Variants in GPC6 observed in about 807,000 individuals in gnomAD.
The protein encoded by GPC6 is glypican 6, also known as glypican-6.
GPC6 carries 14 observed loss-of-function variants against 55.2 expected under a neutral mutation model. That is an observed-to-expected ratio of 0.25 (90% CI 0.17 to 0.40). The LOEUF (loss-of-function observed/expected upper bound fraction) is 0.40. Ranked by LOEUF, GPC6 falls within the 10% of genes least tolerant of loss-of-function variation. The pLI is 1.00. For missense variants in GPC6, 641 were observed against 708.5 expected, an observed-to-expected ratio of 0.90 and a Z score of 1.08; for synonymous variants, 278 against 259.6, an observed-to-expected ratio of 1.07 and a Z score of -0.68.
chr13:94,114,481 T>C (rs1327296631), intron 4 of GPC6, among the ~76,000 whole-genome samples: 6 of 151,990 alleles, frequency 3.9e-5, no homozygotes. Context: ...CATTAGAAAG[T>C]GGGAAAGGCA....
chr13:93,761,796 G>A (rs1307062263), intron 2 of GPC6, among the ~76,000 whole-genome samples: 9 of 152,130 alleles, frequency 5.9e-5, no homozygotes, highest in Admixed American at 5.9e-4. Context: ...TTCAATATAT[G>A]TATGTACTGT....
chr13:93,268,229 G>T lies in GPC6; in HGVS notation c.160+40613G>T, dbSNP rs559106463. Among the ~76,000 whole-genome samples the T allele has an allele frequency of 3.9e-5, 6 of 152,262 alleles. No individual in the cohort carries two copies. In the South Asian group the frequency reaches 1.2e-3, roughly 32 times the overall value. On this transcript the variant is annotated intron_variant, in intron 1 of 8. Coordinates refer to ENST00000377047, the MANE Select transcript of GPC6 (RefSeq NM_005708.5). ...ACATACACTGAGACACTCTTAGGCA[G>T]TTGGTATGTAGTGCTTGGAAGGGAG...
intron 2 of GPC6, among the ~76,000 whole-genome samples, chr13:93,820,580 T>A (rs1346506552): frequency 6.6e-6 from 1 of 151,938 alleles, no homozygotes; most frequent in African/African-American, 2.4e-5. Flanking sequence ...TAGTTTAAAT[T>A]TCTATTTTTA....
chr13:93,788,204 G>T (rs2138917396), intron 2 of GPC6, among the ~76,000 whole-genome samples: 1 of 152,242 alleles, frequency 6.6e-6, no homozygotes, highest in Non-Finnish European at 1.5e-5. Context: ...GGTGAAGGCT[G>T]CTCTCTGCTT....
At position 93,335,576 on chromosome 13, in the gene GPC6, A is replaced by G. The variant is rs368233606; in HGVS notation, c.160+107960A>G. Among the ~76,000 whole-genome samples the G allele has an allele frequency of 1.1e-4, 16 of 152,280 alleles. 1 individual carries two copies. Among genetic ancestry groups the G allele is most frequent in the Admixed American group, 4.6e-4 (7 of 15,298 alleles). On this transcript the variant is annotated intron_variant, in intron 1 of 8. Transcript: ENST00000377047. ...CTACCTCTCAGGAGTGATAATGGTA[A>G]AGATTGGGGGACTGTAGGCCAAATA...
chr13:94,032,372 C>A (rs1299664382), intron 4 of GPC6, among the ~76,000 whole-genome samples: 1 of 152,114 alleles, frequency 6.6e-6, no homozygotes, highest in Non-Finnish European at 1.5e-5. Context: ...GTCAGAGAAG[C>A]CCTACTTTGT....
intron 1 of GPC6, among the ~76,000 whole-genome samples, chr13:93,275,310 G>A (rs1314817077): frequency 6.6e-6 from 1 of 152,180 alleles, no homozygotes; most frequent in African/African-American, 2.4e-5. Context: ...ACGTGCACAT[G>A]TGCAACATGT....
At chr13:94,052,728 G>A (rs1883995590) in intron 4 of GPC6, among the ~76,000 whole-genome samples, 1 of 151,942 alleles carries the variant, frequency 6.6e-6, no homozygotes, top group African/African-American at 2.4e-5. Flanking sequence ...TTAATTTTAA[G>A]CTTCTTGGGG....
At chr13:94,345,018 G>C (rs1266000095) in intron 6 of GPC6, among the ~76,000 whole-genome samples, 11 of 151,968 alleles carry the variant, frequency 7.2e-5, no homozygotes, top group Non-Finnish European at 1.5e-4. Context: ...AGTGGGACTG[G>C]GATATGAAAA....
chr13:93,257,509 TA>T (rs1876996064), intron 1 of GPC6, among the ~76,000 whole-genome samples: 1 of 152,322 alleles, frequency 6.6e-6, no homozygotes, highest in South Asian at 2.1e-4. Flanking sequence ...GTAAGATTGT[TA>T]AAAAGAGGCT....
intron 1 of GPC6, among the ~76,000 whole-genome samples, chr13:93,324,583 C>CATATATATATATATATATATATAT (rs1256486557): frequency 1.2e-5 from 1 of 86,490 alleles, no homozygotes; most frequent in Admixed American, 1.3e-4. Flanking sequence ...CACACACATA[C>CATATATATATATATATATATATAT]ATACATATAT....
intron 3 of GPC6, among the ~76,000 whole-genome samples, chr13:94,018,868 G>T (rs930849449): frequency 2.0e-5 from 3 of 152,178 alleles, no homozygotes; most frequent in Non-Finnish European, 4.4e-5. Context: ...GATCTAGGTT[G>T]CATGCTCCTT....
rs1016349176 is a variant in GPC6 at position 93,588,035 on chromosome 13, T to C, written c.319+42614T>C. Among the ~76,000 whole-genome samples, 5 of 152,070 alleles carry C rather than the reference T, an allele frequency of 3.3e-5. No individual in the cohort carries two copies. The East Asian group carries it at 9.6e-4, about 29-fold the overall frequency. On this transcript the variant is annotated intron_variant, in intron 2 of 8. Coordinates refer to ENST00000377047, the MANE Select transcript of GPC6 (RefSeq NM_005708.5). ...ATTTCAGAACCCCTTCTAAAGTCAA[T>C]GAGGTAGGAAAGAGGCAGCTGTCCC...
At chr13:93,354,368 T>TTTTTTTTTTA in intron 1 of GPC6, among the ~76,000 whole-genome samples, 2 of 149,702 alleles carry the variant, frequency 1.3e-5, no homozygotes, top group East Asian at 2.0e-4. Flanking sequence ...TTTTTTTTTT[T>TTTTTTTTTTA]GAGACAGAGT....
Position 93,866,490 on chromosome 13 carries a change from T to C in GPC6, c.711+35945T>C, listed in dbSNP as rs188511062. Among the ~76,000 whole-genome samples, 161 of 151,732 alleles carry C rather than the reference T, an allele frequency of 1.1e-3. 1 individual carries two copies. The highest frequency in any genetic ancestry group is 2.0e-3 in the Non-Finnish European group (138 of 67,784). On this transcript the variant is annotated intron_variant, in intron 3 of 8. Coordinates refer to ENST00000377047, the MANE Select transcript of GPC6 (RefSeq NM_005708.5). ...ACCTAAATTCCCATCAGTGATAGACTGAAAAAAGAAAACATGGTACATATA... is the reference window on the plus strand; with the variant it reads ...ACCTAAATTCCCATCAGTGATAGACCGAAAAAAGAAAACATGGTACATATA...
chr13:93,543,166 T>C (rs1035151086), intron 1 of GPC6, among the ~76,000 whole-genome samples: 7 of 152,132 alleles, frequency 4.6e-5, no homozygotes, highest in Non-Finnish European at 7.4e-5. Flanking sequence ...GGGTTTGTCA[T>C]AGATAGCTCT....
At chr13:93,513,556 C>T (rs1269489905) in intron 1 of GPC6, among the ~76,000 whole-genome samples, 1 of 152,100 alleles carries the variant, frequency 6.6e-6, no homozygotes, top group Non-Finnish European at 1.5e-5. Context: ...TGTTCTTCTG[C>T]CTTGTGGTGT....
chr13:93,343,734 A>G (rs895648243), intron 1 of GPC6, among the ~76,000 whole-genome samples: 8 of 152,132 alleles, frequency 5.3e-5, no homozygotes, highest in Non-Finnish European at 1.0e-4. Context: ...GTTGAATTAG[A>G]CTACCTGACG....
chr13:93,621,380 T>C (rs891888826), intron 2 of GPC6, among the ~76,000 whole-genome samples: 23 of 152,306 alleles, frequency 1.5e-4, no homozygotes, highest in African/African-American at 4.6e-4. Flanking sequence ...TTGAGTAGTT[T>C]GTAATTTTAT....
Sources: gnomAD v4.1 joint callset for allele counts (sites outside exome capture counted in the v4.1 genomes callset) on GRCh38, gnomAD v4.1.1 for gene constraint, MANE v1.5 for transcripts, NCBI Gene and HGNC (gene_info 2026-07-23, HGNC 2026-07-21) for gene names.